Variants in ALDH1A1 observed in about 807,000 individuals in gnomAD.
ALDH1A1 encodes the protein aldehyde dehydrogenase 1 family member A1, also known as aldehyde dehydrogenase 1A1.
ALDH1A1 carries 19 observed loss-of-function variants against 62.1 expected under a neutral mutation model. The observed-to-expected ratio is 0.31, with a 90% CI of 0.21 to 0.45. ALDH1A1 has a LOEUF of 0.45. ALDH1A1 is among the 20% of genes least tolerant of loss of function. The pLI, the probability that ALDH1A1 is intolerant of heterozygous loss-of-function variation, is 1.00. For synonymous variants in ALDH1A1, 231 were observed against 215.9 expected (o/e 1.07, Z -0.61); for missense variants, 521 against 607.1 (o/e 0.86, Z 1.49).
At chr9:72,902,223 G>A (rs937703565) in intron 12 of ALDH1A1, among the ~76,000 whole-genome samples, 6 of 151,978 alleles carry the variant, frequency 3.9e-5, no homozygotes, top group African/African-American at 1.4e-4. Context: ...ACCCCTTGTT[G>A]AAGAGATGAC....
At chr9:72,909,859 T>A in intron 10 of ALDH1A1, 100 bp from the exon 11 acceptor site, 2 of 1,054,522 alleles carry the variant, frequency 1.9e-6, no homozygotes, top group Non-Finnish European at 2.6e-6. Context: ...CTAAATTGAT[T>A]AAGATTTTGC....
chr9:72,916,999 A>G lies in ALDH1A1; in HGVS notation c.956T>C (p.Phe319Ser), dbSNP rs1432629228. The G allele has an allele frequency of 6.2e-7, 1 of 1,613,774 alleles. No individual in the cohort carries two copies. Among genetic ancestry groups the G allele is most frequent in the East Asian group, 2.2e-5 (1 of 44,876 alleles). The change falls in exon 9 of 13, where the codon TTT becomes TCT. Residue 319 changes from phenylalanine to serine, a missense_variant. Phe to Ser is a radical substitution (Grantham distance 155). Coordinates refer to ENST00000297785, the MANE Select transcript of ALDH1A1 (RefSeq NM_000689.5). ...IFVEESIYDEFVRRSVERAKK... is the reference protein window; with the variant it reads ...IFVEESIYDESVRRSVERAKK... ...AGCCCGCTCAACACTCCTTCGAACA[A>G]ACTCATCATAAATTGATTCTTCCAC... is the stretch of plus-strand genomic sequence containing the variant.
At position 72,925,508 on chromosome 9, in the gene ALDH1A1, G is replaced by C. The variant is rs1452598409; in HGVS notation, c.609C>G (p.Leu203=). 2 of 1,613,842 alleles carry C rather than the reference G, an allele frequency of 1.2e-6. No individual in the cohort carries two copies. Among genetic ancestry groups the C allele is most frequent in the South Asian group, 2.2e-5 (2 of 91,082 alleles). Residue 203 remains leucine, a synonymous_variant, in exon 6 of 13, where the codon CTC becomes CTG. Transcript: ENST00000297785. ...CCTCTTTTATTAAAGATGCCACGTG[G>C]AGAGCAGTGAGAGGAGTTTGCTCTG... ...KPAEQTPLTA[L]HVASLIKEAG...
At chr9:72,901,342 G>T in intron 12 of ALDH1A1, 62 bp from the exon 13 acceptor site, 1 of 1,160,736 alleles carries the variant, frequency 8.6e-7, no homozygotes, top group Non-Finnish European at 1.3e-6. Context: ...ATATACTGTA[G>T]TTCATGTTTG....
chr9:72,948,495 G>A (rs1181626479), intron 1 of ALDH1A1, among the ~76,000 whole-genome samples: 1 of 151,814 alleles, frequency 6.6e-6, no homozygotes, highest in Admixed American at 6.6e-5. Context: ...AGCATAACAT[G>A]CTCTTGTCCT....
chr9:72,902,552 T>C (rs1829818815), intron 12 of ALDH1A1, among the ~76,000 whole-genome samples: 1 of 152,042 alleles, frequency 6.6e-6, no homozygotes, highest in South Asian at 2.1e-4. Flanking sequence ...CTGAAACCCA[T>C]TAAAAGATAA....
chr9:72,922,268 T>G (rs1276129998), intron 7 of ALDH1A1, among the ~76,000 whole-genome samples: 1 of 152,154 alleles, frequency 6.6e-6, no homozygotes, highest in Non-Finnish European at 1.5e-5. Flanking sequence ...AAACTCAAAT[T>G]TAGTAAGGCT....
chr9:72,905,635 T>C (rs1269198401), intron 12 of ALDH1A1, among the ~76,000 whole-genome samples: 2 of 152,162 alleles, frequency 1.3e-5, no homozygotes, highest in Non-Finnish European at 2.9e-5. Flanking sequence ...TCCACCTCTT[T>C]TCTGGAAATG....
chr9:72,938,416 A>G (rs1009145928), intron 2 of ALDH1A1, among the ~76,000 whole-genome samples: 3 of 152,104 alleles, frequency 2.0e-5, no homozygotes, highest in Non-Finnish European at 4.4e-5. Flanking sequence ...GAGGAGAATA[A>G]AAAGTTTATT....
intron 7 of ALDH1A1, among the ~76,000 whole-genome samples, chr9:72,921,776 A>G (rs1430087791): frequency 1.5e-4 from 23 of 150,838 alleles, no homozygotes; most frequent in Non-Finnish European, 1.5e-5. Flanking sequence ...ATAACAATGA[A>G]TAAGACTGTC....
In ALDH1A1 at chr9:72,936,993, A is replaced by T. The variant is rs188750547; in HGVS notation, c.171+3155T>A. ...CCCATTCTAAGATTATTGCAGTGAAACCTAGGGGAAGGTGGGGCTCAGCTA... is the reference window on the plus strand; with the variant it reads ...CCCATTCTAAGATTATTGCAGTGAATCCTAGGGGAAGGTGGGGCTCAGCTA... On this transcript the variant is annotated intron_variant, in intron 2 of 12. Transcript: ENST00000297785. 3.3e-3 allele frequency among the ~76,000 whole-genome samples: 497 copies of T among 152,228 alleles called. 4 individuals are homozygous for T. The highest frequency in any genetic ancestry group is 4.7e-3 in the Non-Finnish European group (322 of 68,014).
intron 1 of ALDH1A1, among the ~76,000 whole-genome samples, chr9:72,950,647 T>G (rs1002633596): frequency 6.7e-6 from 1 of 149,272 alleles, no homozygotes; most frequent in Non-Finnish European, 1.5e-5. Context: ...GTTGTAATAT[T>G]TTTTTTTTTA....
Position 72,911,997 on chromosome 9 carries a change from G to A in ALDH1A1, c.1161C>T (p.Phe387=). ...NKGYFVQPTV[F]SNVTDEMRIA... is the part of the protein sequence containing the mutation. The stretch of plus-strand genomic sequence containing the variant: ...TGCGCATCTCATCTGTAACATTAGA[G>A]AACACTGTGGGCTGGACAAAGTAGC... Residue 387 remains phenylalanine, a synonymous_variant, in exon 10 of 13, where the codon TTC becomes TTT. Coordinates refer to ENST00000297785, the MANE Select transcript of ALDH1A1 (RefSeq NM_000689.5). 6.2e-7 allele frequency: 1 copy of A among 1,613,978 alleles called. No individual in the cohort carries two copies. The highest frequency in any genetic ancestry group is 8.5e-7 in the Non-Finnish European group (1 of 1,179,904).
intron 6 of ALDH1A1, 71 bp from the exon 7 acceptor site, chr9:72,924,203 G>T: frequency 9.1e-7 from 1 of 1,094,954 alleles, no homozygotes; most frequent in Non-Finnish European, 1.3e-6. Context: ...AGGGGATTGA[G>T]ATTGTCTCTT....
intron 2 of ALDH1A1, among the ~76,000 whole-genome samples, chr9:72,932,743 C>G (rs1207618586): frequency 6.6e-6 from 1 of 152,172 alleles, no homozygotes; most frequent in Non-Finnish European, 1.5e-5. Context: ...CCTAAATTTA[C>G]AGAGCACTGT....
chr9:72,919,696 A>T (rs1463563404), intron 7 of ALDH1A1, among the ~76,000 whole-genome samples: 1 of 152,248 alleles, frequency 6.6e-6, no homozygotes, highest in Non-Finnish European at 1.5e-5. Context: ...GCGGATTGAC[A>T]GTCGTCTCTC....
chr9:72,943,276 T>C (rs1830437894), intron 1 of ALDH1A1, among the ~76,000 whole-genome samples: 1 of 152,152 alleles, frequency 6.6e-6, no homozygotes, highest in African/African-American at 2.4e-5. Context: ...CCTCTTATCC[T>C]TAGGTCTGTG....
At chr9:72,944,546 C>T (rs183338390) in intron 1 of ALDH1A1, among the ~76,000 whole-genome samples, 36 of 152,066 alleles carry the variant, frequency 2.4e-4, no homozygotes, top group Admixed American at 7.9e-4. Context: ...TGTGACCAAA[C>T]GTTTTTGTAT....
chr9:72,923,818 C>T lies in ALDH1A1; in HGVS notation c.747+201G>A, dbSNP rs192970661. On this transcript the variant is annotated intron_variant, in intron 7 of 12. Coordinates refer to ENST00000297785, the MANE Select transcript of ALDH1A1 (RefSeq NM_000689.5). ...ATACTAAAAATAGTTTACTCTCATT[C>T]TGATTTAAAATAGGTGCATCATGTC... 143 of 381,682 alleles carry T rather than the reference C, an allele frequency of 3.7e-4. No homozygotes were observed. In the Middle Eastern group the frequency reaches 4.5e-3, roughly 12 times the overall value. The allele number at this position is 381,682 out of a possible 1,614,324, so 23.6% of individuals were successfully genotyped here.
Sources: allele counts gnomAD v4.1 joint callset (sites outside exome capture counted in the v4.1 genomes callset), GRCh38; gene constraint gnomAD v4.1.1; transcripts MANE v1.5; gene names NCBI Gene and HGNC (gene_info 2026-07-23, HGNC 2026-07-21).